Variants in CHSY1 observed in about 807,000 individuals in gnomAD.
CHSY1 encodes the protein N-acetylgalactosaminyl-proteoglycan 3-beta-glucuronosyltransferase 1.
In CHSY1, 13 loss-of-function variants were observed where a neutral mutation model predicts 59.8. The ratio of observed to expected loss-of-function variants is 0.22; its 90% confidence interval spans 0.14 to 0.35. CHSY1 has a LOEUF of 0.35. CHSY1 is among the 10% of genes least tolerant of loss of function. The probability of loss-of-function intolerance (pLI) is 1.00; values close to 1 mark genes in which losing one functional copy is unlikely to be tolerated. For synonymous variants in CHSY1, 459 were observed against 401.2 expected (o/e 1.14, Z -1.72); for missense variants, 947 against 1,030.6 (o/e 0.92, Z 1.11).
intron 2 of CHSY1, among the ~76,000 whole-genome samples, chr15:101,208,510 C>T (rs2038649917): frequency 1.3e-5 from 2 of 151,986 alleles, no homozygotes; most frequent in African/African-American, 2.4e-5. Context: ...GTCAGGAGTT[C>T]GAGACCAGCC....
chr15:101,203,579 G>T (rs1216229963), intron 2 of CHSY1, among the ~76,000 whole-genome samples: 5 of 152,144 alleles, frequency 3.3e-5, no homozygotes, highest in African/African-American at 9.7e-5. Context: ...ATATCTCATG[G>T]CCTCAAAATA....
At chr15:101,181,286 T>C (rs1446227625) in intron 2 of CHSY1, among the ~76,000 whole-genome samples, 2 of 152,270 alleles carry the variant, frequency 1.3e-5, no homozygotes, top group Admixed American at 6.5e-5. Context: ...GACTGTCTGC[T>C]GTGAGATAAA....
At chr15:101,250,003 C>T (rs1434575552) in intron 1 of CHSY1, among the ~76,000 whole-genome samples, 2 of 152,196 alleles carry the variant, frequency 1.3e-5, no homozygotes, top group East Asian at 1.9e-4. Context: ...TTACTTTCTC[C>T]CTTAAAGGCA....
chr15:101,224,152 GCTCT>G (rs555009615), intron 2 of CHSY1, among the ~76,000 whole-genome samples: 79 of 152,294 alleles, frequency 5.2e-4, no homozygotes, highest in African/African-American at 1.9e-3. Context: ...TTGTGTAAGT[GCTCT>G]CTATGATGTT....
intron 1 of CHSY1, among the ~76,000 whole-genome samples, chr15:101,237,297 T>C (rs975408271): frequency 8.8e-5 from 13 of 147,342 alleles, no homozygotes; most frequent in African/African-American, 3.3e-4. Context: ...GATGCAGGCC[T>C]CTATGTTGCA....
At chr15:101,247,758 C>T (rs1224525001) in intron 1 of CHSY1, among the ~76,000 whole-genome samples, 2 of 152,282 alleles carry the variant, frequency 1.3e-5, no homozygotes, top group South Asian at 4.2e-4. Flanking sequence ...TGGTGGCCCC[C>T]ATCCATCCCT....
In CHSY1 at chr15:101,251,321, CG is replaced by C; in HGVS notation, c.135del (p.Glu46ArgfsTer47). 2 of 1,113,994 alleles carry C rather than the reference CG, an allele frequency of 1.8e-6. No homozygotes were observed. The highest frequency in any genetic ancestry group is 2.2e-6 in the Non-Finnish European group (2 of 909,608). The allele number at this position is 1,113,994 out of a possible 1,614,324, so 69.0% of individuals were successfully genotyped here. A position where few individuals can be genotyped will look rare whatever the true frequency, so the allele number is the denominator to read the frequency against. On this transcript the variant is annotated frameshift_variant, in exon 1 of 3. Transcript: ENST00000254190. LOFTEE classifies it high-confidence loss of function. ...KRAGPRRRAS[P>X]EGCRSGQAAA... is the part of the protein sequence containing the mutation. ...GCCGCCTGCCCGGACCGGCAGCCCT[CG>C]GGGCTGGCGCGGCGCCGTGGGCCCG... is the stretch of plus-strand genomic sequence containing the variant.
Position 101,177,725 on chromosome 15 carries a change from T to C in CHSY1, c.2072A>G (p.Tyr691Cys), listed in dbSNP as rs1034764038. The change falls in exon 3 of 3, where the codon TAT (tyrosine) becomes TGT (cysteine). Residue 691 changes from tyrosine to cysteine, a missense_variant. Physicochemically the swap from Tyr to Cys is radical, Grantham distance 194 (BLOSUM62 -2). Around this residue, in one of 4 missense-constraint regions of CHSY1, gnomAD observed 602 missense variants for 676.9 expected, o/e 0.89. Coordinates refer to ENST00000254190, the MANE Select transcript of CHSY1 (RefSeq NM_014918.5). ...ATAAATACACGTGATGCCAAACCCA[T>C]AGTTTCTCCAGAAGCCAGTTTTCTG... ...FTQKTGFWRN[Y>C]GFGITCIYKG... 1.9e-6 allele frequency: 3 copies of C among 1,614,222 alleles called. No homozygotes were observed. The highest frequency in any genetic ancestry group is 2.5e-6 in the Non-Finnish European group (3 of 1,180,042).
intron 2 of CHSY1, among the ~76,000 whole-genome samples, chr15:101,220,934 C>A (rs1041052494): frequency 6.6e-6 from 1 of 152,188 alleles, no homozygotes; most frequent in South Asian, 2.1e-4. Context: ...ATCAGTCGAC[C>A]GCCTTATCAT....
At chr15:101,251,104 G>A in intron 1 of CHSY1, 33 bp downstream of exon 1, 1 of 1,539,918 alleles carries the variant, frequency 6.5e-7, no homozygotes. Context: ...GATGCCGGAC[G>A]CAGGAGGCGG....
intron 2 of CHSY1, among the ~76,000 whole-genome samples, chr15:101,229,463 CAA>C (rs2038871943): frequency 1.3e-5 from 2 of 151,802 alleles, no homozygotes; most frequent in African/African-American, 4.8e-5. Context: ...TTACTAGAAA[CAA>C]AGAAGGAATT....
At chr15:101,209,043 G>C (rs1193891784) in intron 2 of CHSY1, among the ~76,000 whole-genome samples, 1 of 152,102 alleles carries the variant, frequency 6.6e-6, no homozygotes, top group East Asian at 1.9e-4. Flanking sequence ...TGAGGAACAG[G>C]ATATTTACAG....
At chr15:101,242,220 A>G (rs562792443) in intron 1 of CHSY1, among the ~76,000 whole-genome samples, 1 of 152,326 alleles carries the variant, frequency 6.6e-6, no homozygotes, top group East Asian at 1.9e-4. Flanking sequence ...AGAAAATGAG[A>G]CCAAAGAAAA....
intron 1 of CHSY1, among the ~76,000 whole-genome samples, chr15:101,240,128 G>T (rs1227511528): frequency 1.2e-4 from 18 of 152,150 alleles, no homozygotes. Flanking sequence ...TAAATGACTG[G>T]TGGTTGGTTT....
chr15:101,246,849 T>C (rs2039057526), intron 1 of CHSY1, among the ~76,000 whole-genome samples: 1 of 150,758 alleles, frequency 6.6e-6, no homozygotes, highest in Non-Finnish European at 1.5e-5. Flanking sequence ...TTCCCTTCCA[T>C]ATATCACAGA....
intron 2 of CHSY1, among the ~76,000 whole-genome samples, chr15:101,227,619 T>A (rs1409644468): frequency 6.6e-6 from 1 of 152,186 alleles, no homozygotes; most frequent in Non-Finnish European, 1.5e-5. Context: ...TGTGTGCATG[T>A]TCAGCAAAGA....
intron 2 of CHSY1, among the ~76,000 whole-genome samples, chr15:101,222,234 A>G (rs1291693852): frequency 6.6e-6 from 1 of 152,220 alleles, no homozygotes; most frequent in Non-Finnish European, 1.5e-5. Context: ...CTAGTCTTCT[A>G]TTGCTTTGCC....
intron 2 of CHSY1, among the ~76,000 whole-genome samples, chr15:101,199,775 C>T (rs2038551887): frequency 6.6e-6 from 1 of 152,308 alleles, no homozygotes; most frequent in East Asian, 1.9e-4. Context: ...TTCTGTGTGG[C>T]TCTGCAGTTA....
intron 2 of CHSY1, among the ~76,000 whole-genome samples, chr15:101,226,615 T>TGCTATGC (rs1341220534): frequency 6.6e-6 from 1 of 152,182 alleles, no homozygotes; most frequent in African/African-American, 2.4e-5. Flanking sequence ...CTGGCCACTG[T>TGCTATGC]GCTATGTCCT....
Sources: gnomAD v4.1 joint callset for allele counts (sites outside exome capture counted in the v4.1 genomes callset) on GRCh38, gnomAD v4.1.1 for gene constraint, gnomAD v4.1.1 regional missense constraint, MANE v1.5 for transcripts, NCBI Gene and HGNC (gene_info 2026-07-23, HGNC 2026-07-21) for gene names.